Variants in ATP2B2 observed in about 807,000 individuals in gnomAD.
ATP2B2 encodes ATPase plasma membrane Ca2+ transporting 2.
Under a neutral mutation model 120.0 loss-of-function variants are expected in ATP2B2, and 15 were observed. The observed-to-expected ratio is 0.12, with a 90% CI of 0.08 to 0.19. The LOEUF is 0.19. ATP2B2 is among the 10% of genes least tolerant of loss of function. The pLI is 1.00. For missense variants in ATP2B2, 1,045 were observed against 1,719.8 expected (o/e 0.61, Z 6.94); for synonymous variants, 694 against 700.3 (o/e 0.99, Z 0.14).
At chr3:10,668,837 T>C (rs1032957648) in intron 1 of ATP2B2, among the ~76,000 whole-genome samples, 3 of 152,178 alleles carry the variant, frequency 2.0e-5, no homozygotes, top group Non-Finnish European at 4.4e-5. Context: ...GCCCCTAGCA[T>C]GGAGCACAGC....
At chr3:10,479,045 C>T (rs1219268287) in intron 1 of ATP2B2, among the ~76,000 whole-genome samples, 1 of 152,068 alleles carries the variant, frequency 6.6e-6, no homozygotes, top group Non-Finnish European at 1.5e-5. Flanking sequence ...TGTAAGTTTC[C>T]TGAGGCCTCC....
chr3:10,610,832 C>T (rs991618753), intron 2 of ATP2B2, among the ~76,000 whole-genome samples: 1 of 152,204 alleles, frequency 6.6e-6, no homozygotes, highest in Non-Finnish European at 1.5e-5. Context: ...TCGGTCTACC[C>T]CTCTGAGAAC....
chr3:10,589,681 T>C (rs950686679), intron 2 of ATP2B2, among the ~76,000 whole-genome samples: 11 of 152,168 alleles, frequency 7.2e-5, no homozygotes, highest in Non-Finnish European at 1.3e-4. Context: ...AAAGAGCACT[T>C]AGTTCAGTGC....
intron 1 of ATP2B2, among the ~76,000 whole-genome samples, chr3:10,457,053 T>C (rs968394997): frequency 2.0e-5 from 3 of 152,062 alleles, no homozygotes; most frequent in South Asian, 4.1e-4. Flanking sequence ...GAGAGCCTGA[T>C]GGTGAGTGTG....
chr3:10,450,528 C>A (rs1049099568), intron 1 of ATP2B2, among the ~76,000 whole-genome samples: 2 of 152,192 alleles, frequency 1.3e-5, no homozygotes, highest in Non-Finnish European at 2.9e-5. Context: ...GAGAAAGCCC[C>A]CACCTGCACC....
chr3:10,566,052 C>T (rs899807671), intron 2 of ATP2B2, among the ~76,000 whole-genome samples: 2 of 152,180 alleles, frequency 1.3e-5, no homozygotes, highest in Admixed American at 1.3e-4. Context: ...TCCAGATGTT[C>T]ACCAGCTATC....
intron 22 of ATP2B2, chr3:10,332,117 A>T: frequency 7.7e-7 from 1 of 1,301,262 alleles, no homozygotes; most frequent in African/African-American, 1.5e-5. Context: ...TTTTCTCGCC[A>T]ACCCAAGGTT....
chr3:10,504,338 C>T (rs906775457), intron 1 of ATP2B2, among the ~76,000 whole-genome samples: 1 of 152,206 alleles, frequency 6.6e-6, no homozygotes, highest in Non-Finnish European at 1.5e-5. Flanking sequence ...ATACCCCAAA[C>T]GTCAGCTCTG....
At position 10,492,210 on chromosome 3, in the gene ATP2B2, G is replaced by A. The variant is rs573040412; in HGVS notation, c.-320+13255C>T. 3.0e-4 allele frequency among the ~76,000 whole-genome samples: 45 copies of A among 151,680 alleles called. No homozygotes were observed. The South Asian group carries it at 3.3e-3, about 11-fold the overall frequency. On this transcript the variant is annotated intron_variant, in intron 1 of 22. Coordinates refer to ENST00000360273, the MANE Select transcript of ATP2B2 (RefSeq NM_001001331.4). The stretch of plus-strand genomic sequence containing the variant: ...GGACACAGTAATTGCTGGCTTCTCC[G>A]GGGTGCTCTGCTGGGGGAGAAGCTG...
At chr3:10,500,683 G>C (rs2066347577) in intron 1 of ATP2B2, among the ~76,000 whole-genome samples, 1 of 152,302 alleles carries the variant, frequency 6.6e-6, no homozygotes, top group Admixed American at 6.5e-5. Flanking sequence ...CTCTTCCTCA[G>C]CCTCTCCAGG....
At chr3:10,500,565 G>A (rs1559418246) in intron 1 of ATP2B2, among the ~76,000 whole-genome samples, 2 of 152,128 alleles carry the variant, frequency 1.3e-5, no homozygotes, top group East Asian at 1.9e-4. Context: ...AGACACACAG[G>A]AAGGAGTGAG....
chr3:10,436,972 C>G (rs774261590), intron 2 of ATP2B2, among the ~76,000 whole-genome samples: 3 of 152,194 alleles, frequency 2.0e-5, no homozygotes, highest in African/African-American at 4.8e-5. Context: ...GAGCCTCATC[C>G]ACGTGGCTTT....
At chr3:10,704,845 C>A (rs1397094344) in intron 1 of ATP2B2, among the ~76,000 whole-genome samples, 1 of 152,074 alleles carries the variant, frequency 6.6e-6, no homozygotes, top group East Asian at 1.9e-4. Context: ...AGGGGAGATA[C>A]AAAGAAGATG....
chr3:10,556,050 C>G (rs182617657), intron 2 of ATP2B2, among the ~76,000 whole-genome samples: 6 of 152,306 alleles, frequency 3.9e-5, no homozygotes, highest in South Asian at 4.2e-4. Context: ...AGGCACCCAC[C>G]ACCACGCTTG....
intron 3 of ATP2B2, among the ~76,000 whole-genome samples, chr3:10,525,275 G>A (rs1236662359): frequency 1.3e-5 from 2 of 152,228 alleles, no homozygotes; most frequent in Non-Finnish European, 2.9e-5. Context: ...TTTGGTTGTA[G>A]TTAGTCCACT....
At chr3:10,431,748 T>TA (rs112026049) in intron 2 of ATP2B2, among the ~76,000 whole-genome samples, 10,777 of 142,354 alleles carry the variant, frequency 0.076, 499 homozygotes, top group African/African-American at 0.14. Flanking sequence ...ATGAATAACT[T>TA]AAAAAAAAAA....
In ATP2B2 at chr3:10,485,766, G is replaced by C. The variant is rs374805119; in HGVS notation, c.-320+19699C>G. On this transcript the variant is annotated intron_variant, in intron 1 of 22. Coordinates refer to ENST00000360273, the MANE Select transcript of ATP2B2 (RefSeq NM_001001331.4). ...GTGGGGGCTTCCTGGCTCTGGCTCA[G>C]GCCTGCCTTCCCGGCTCAGGTTGGG... 5.6e-4 allele frequency among the ~76,000 whole-genome samples: 85 copies of C among 152,222 alleles called. 2 individuals are homozygous for C. The South Asian group carries it at 0.01, about 18-fold the overall frequency.
chr3:10,353,829 C>G (rs1449194251), intron 14 of ATP2B2, among the ~76,000 whole-genome samples: 2 of 152,264 alleles, frequency 1.3e-5, no homozygotes, highest in East Asian at 3.9e-4. Context: ...GGGCTGGGCT[C>G]TGCTCTAGGG....
chr3:10,597,062 G>GCC (rs750154926), intron 2 of ATP2B2, among the ~76,000 whole-genome samples: 1 of 60,052 alleles, frequency 1.7e-5, no homozygotes, highest in African/African-American at 6.1e-5. Flanking sequence ...CACACACAGG[G>GCC]CCACACACAC....
Sources: gnomAD v4.1 joint callset for allele counts (sites outside exome capture counted in the v4.1 genomes callset) on GRCh38, gnomAD v4.1.1 for gene constraint, MANE v1.5 for transcripts, NCBI Gene and HGNC (gene_info 2026-07-23, HGNC 2026-07-21) for gene names.